ZNF726: variants seen among roughly 807,000 people sequenced by gnomAD.
The protein encoded by ZNF726 is zinc finger protein 726, also known as zinc finger protein 92 pseudogene 3.
ZNF726 carries 15 observed loss-of-function variants against 11.6 expected under a neutral mutation model. The ratio of observed to expected loss-of-function variants is 1.29; its 90% confidence interval spans 0.86 to 1.99. The LOEUF is 1.99. Among genes scored for constraint, ZNF726 ranks in the 30% most tolerant of loss-of-function variants. The probability of loss-of-function intolerance (pLI) is 0.00; values close to 1 mark genes in which losing one functional copy is unlikely to be tolerated. For synonymous variants in ZNF726, 295 were observed against 243.6 expected, an observed-to-expected ratio of 1.21 and a Z score of -1.96; for missense variants, 890 against 725.6, an observed-to-expected ratio of 1.23 and a Z score of -2.60.
At chr19:23,926,461 G>A (rs1967989871) in intron 3 of ZNF726, among the ~76,000 whole-genome samples, 2 of 151,762 alleles carry the variant, frequency 1.3e-5, no homozygotes, top group Admixed American at 1.3e-4. Context: ...GGTTGAGGTG[G>A]GAGAATCACT....
At chr19:23,919,646 G>C in intron 2 of ZNF726, 147 bp downstream of exon 2, 1 of 1,067,976 alleles carries the variant, frequency 9.4e-7, no homozygotes, top group South Asian at 1.8e-5. Flanking sequence ...ATTTCTTCAA[G>C]ATGTTTCATC....
In ZNF726 at chr19:23,933,994, G is replaced by A. The variant is rs1235420973; in HGVS notation, c.*27G>A. The A allele has an allele frequency of 6.3e-7, 1 of 1,576,060 alleles. No homozygotes were observed. The highest frequency in any genetic ancestry group is 1.1e-5 in the South Asian group (1 of 87,660). On this transcript the variant is annotated 3_prime_UTR_variant, in exon 4 of 4. Coordinates refer to ENST00000594466, the MANE Select transcript of ZNF726 (RefSeq NM_001244038.2). Reference sequence around the variant, plus strand: ...AGAAACCTTAAAAAGGGTAAAGAATGTGGCAAAGCATTTATATGGTCCTCA... The same window carrying A: ...AGAAACCTTAAAAAGGGTAAAGAATATGGCAAAGCATTTATATGGTCCTCA...
downstream of ZNF726, among the ~76,000 whole-genome samples, chr19:23,938,738 G>T (rs867589292): frequency 2.0e-5 from 3 of 151,092 alleles, no homozygotes; most frequent in Admixed American, 6.6e-5. Context: ...CTCCCAAGTA[G>T]CTGGGATTAC....
At chr19:23,927,215 C>A (rs997735056) in intron 3 of ZNF726, among the ~76,000 whole-genome samples, 3 of 152,124 alleles carry the variant, frequency 2.0e-5, no homozygotes, top group Non-Finnish European at 4.4e-5. Flanking sequence ...AATCCACCCG[C>A]CTCAGCCTCC....
At chr19:23,937,563 C>A (rs113985408), downstream of ZNF726, among the ~76,000 whole-genome samples, 8 of 151,058 alleles carry the variant, frequency 5.3e-5, no homozygotes, top group African/African-American at 1.7e-4. Context: ...CGGGCAGAGA[C>A]GCTCCTCACT....
chr19:23,943,962 T>C (rs552799937), intron 4 of ZNF726: 1 of 156,700 alleles, frequency 6.4e-6, no homozygotes, highest in African/African-American at 2.4e-5. Flanking sequence ...ATGTCTGAAA[T>C]GTATGAGAGC....
intron 3 of ZNF726, chr19:23,928,143 G>A (rs963534278): frequency 6.6e-6 from 1 of 152,164 alleles, no homozygotes; most frequent in African/African-American, 2.4e-5. Context: ...CTCTCATCAT[G>A]TAATATGTGC....
intron 3 of ZNF726, among the ~76,000 whole-genome samples, chr19:23,925,978 G>C (rs1462777251): frequency 6.6e-6 from 1 of 151,926 alleles, no homozygotes; most frequent in Admixed American, 6.6e-5. Flanking sequence ...GCCTTTCAGT[G>C]TGCTGCAATT....
Position 23,919,457 on chromosome 19 carries a change from A to G in ZNF726, c.88A>G (p.Arg30Gly). ...GGACACTGCACAGAAGAATTTATAT[A>G]GGAATGTGATGTTAGAGAACTACAG... ...CLDTAQKNLY[R>G]NVMLENYRNL... Residue 30 changes from arginine to glycine, a missense_variant, in exon 2 of 4, where the codon AGG becomes GGG. Transcript: ENST00000594466. 6.2e-7 allele frequency: 1 copy of G among 1,607,156 alleles called. No homozygotes were observed. The highest frequency in any genetic ancestry group is 1.3e-5 in the African/African-American group (1 of 74,878).
Position 23,943,511 on chromosome 19 carries a change from C to A in ZNF726, c.244C>A (p.Pro82Thr), listed in dbSNP as rs764351461. The A allele has an allele frequency of 7.5e-6, 5 of 663,232 alleles. 1 individual carries two copies. The South Asian group carries it at 8.3e-5, about 11-fold the overall frequency. 41.1% of individuals were successfully genotyped at this position (663,232 alleles called of 1,614,324 possible). ...CAAAACAGGCCTTGCTGTCTCTAAC[C>A]CTGATCTGATCTCCTGCCTTGAGCA... The change falls in exon 4 of 5, where the codon CCT (proline) becomes ACT (threonine). Residue 82 changes from proline to threonine, a missense_variant. Physicochemically the swap from Pro to Thr is conservative, Grantham distance 38. Transcript: ENST00000334589.
At chr19:23,938,105 A>T (rs1345520789), downstream of ZNF726, among the ~76,000 whole-genome samples, 2 of 152,214 alleles carry the variant, frequency 1.3e-5, no homozygotes, top group Non-Finnish European at 2.9e-5. Context: ...TAATGGACTG[A>T]CATCTCTAGT....
chr19:23,939,190 AC>A (rs1021657552), downstream of ZNF726, among the ~76,000 whole-genome samples: 4 of 150,148 alleles, frequency 2.7e-5, no homozygotes, highest in African/African-American at 9.8e-5. Flanking sequence ...CTCATATCTT[AC>A]CTCCCACATA....
downstream of ZNF726, among the ~76,000 whole-genome samples, chr19:23,937,803 G>A (rs906207598): frequency 6.6e-6 from 1 of 152,238 alleles, no homozygotes. Flanking sequence ...CTGCTGGGAG[G>A]TGGAGGTTGT....
At chr19:23,936,173 T>C (rs753255387), downstream of ZNF726, 2 of 152,224 alleles carry the variant, frequency 1.3e-5, no homozygotes, top group Non-Finnish European at 2.9e-5. Context: ...TGCAGATGCA[T>C]TAAATATGAA....
chr19:23,932,172 T>C (rs1005214414), intron 3 of ZNF726, among the ~76,000 whole-genome samples, 171 bp from the exon 4 acceptor site: 14 of 152,118 alleles, frequency 9.2e-5, no homozygotes, highest in African/African-American at 3.4e-4. Flanking sequence ...CACAGATGTA[T>C]TTTGGTTTGT....
intron 3 of ZNF726, among the ~76,000 whole-genome samples, chr19:23,939,964 C>T (rs62114237): frequency 6.8e-6 from 1 of 147,252 alleles, no homozygotes; most frequent in Non-Finnish European, 1.5e-5. Context: ...TTTTCTCCCA[C>T]TCTGTGAGTT....
chr19:23,933,943 T>A lies in ZNF726; in HGVS notation c.1827T>A (p.Phe609Leu). 1 of 1,580,120 alleles carries A rather than the reference T, an allele frequency of 6.3e-7. No homozygotes were observed. Among genetic ancestry groups the A allele is most frequent in the Non-Finnish European group, 8.6e-7 (1 of 1,162,656 alleles). The change falls in exon 4 of 4, where the codon TTT (phenylalanine) becomes TTA (leucine). Residue 609 changes from phenylalanine to leucine, a missense_variant. Coordinates refer to ENST00000594466, the MANE Select transcript of ZNF726 (RefSeq NM_001244038.2). ...GKSFIWSSTL[F>L]KHKRIHT ...CATTTATCTGGTCCTCAACCCTTTT[T>A]AAGCATAAGAGGATTCATACTTGAG...
downstream of ZNF726, among the ~76,000 whole-genome samples, chr19:23,939,346 GTTTC>G (rs917585748): frequency 2.6e-5 from 4 of 152,118 alleles, no homozygotes; most frequent in Non-Finnish European, 5.9e-5. Flanking sequence ...ATATGTCATA[GTTTC>G]TTTATCTGTT....
chr19:23,923,164 A>C (rs563897666), intron 3 of ZNF726, among the ~76,000 whole-genome samples: 162 of 152,246 alleles, frequency 1.1e-3, no homozygotes, highest in African/African-American at 3.6e-3. Flanking sequence ...TTTGTTTCAC[A>C]TATGAGGCTC....
Sources: allele counts gnomAD v4.1 joint callset (sites outside exome capture counted in the v4.1 genomes callset), GRCh38; gene constraint gnomAD v4.1.1; transcripts MANE v1.5; gene names NCBI Gene and HGNC (gene_info 2026-07-23, HGNC 2026-07-21).